Variants in CTNNA2 observed in about 807,000 individuals in gnomAD.
CTNNA2 encodes the protein catenin alpha 2.
CTNNA2 carries 42 observed loss-of-function variants against 101.0 expected under a neutral mutation model. That is an observed-to-expected ratio of 0.42 (90% confidence interval 0.32 to 0.54). The LOEUF is 0.54. CTNNA2 is among the 20% of genes least tolerant of loss of function. The pLI, the probability that CTNNA2 is intolerant of heterozygous loss-of-function variation, is 0.14. For synonymous variants in CTNNA2, 450 were observed against 456.4 expected (o/e 0.99, Z 0.18); for missense variants, 871 against 1,223.1 (o/e 0.71, Z 4.29).
intron 2 of CTNNA2, among the ~76,000 whole-genome samples, chr2:79,290,908 C>T (rs1157005119): frequency 6.6e-6 from 1 of 152,162 alleles, no homozygotes; most frequent in Non-Finnish European, 1.5e-5. Context: ...GGTCTAATTG[C>T]GCTGACTAAC....
At chr2:80,429,715 A>G (rs1235407176) in intron 9 of CTNNA2, among the ~76,000 whole-genome samples, 5 of 152,222 alleles carry the variant, frequency 3.3e-5, no homozygotes, top group African/African-American at 1.2e-4. Context: ...AGTGGAACAG[A>G]TCATGCAAAC....
rs539657346 is a variant in CTNNA2 at position 79,324,921 on chromosome 2, A to C, written c.-318+12125A>C. Among the ~76,000 whole-genome samples the C allele has an allele frequency of 4.6e-5, 7 of 152,300 alleles. No individual in the cohort carries two copies. In the South Asian group the frequency reaches 1.5e-3, roughly 32 times the overall value. ...TGCAACCTGTGACCGCAGTGCCTCC[A>C]AATAAAGAAATAGGGCCAGGTTCGG... On this transcript the variant is annotated intron_variant, in intron 3 of 21. Coordinates refer to the CTNNA2 transcript ENST00000466387.
At chr2:80,146,817 C>G (rs540144310) in intron 7 of CTNNA2, among the ~76,000 whole-genome samples, 1 of 141,666 alleles carries the variant, frequency 7.1e-6, no homozygotes, top group Non-Finnish European at 1.5e-5. Flanking sequence ...CTCTGCCTAC[C>G]AGGTTCAAGT....
intron 2 of CTNNA2, among the ~76,000 whole-genome samples, chr2:79,296,100 A>G (rs1675974113): frequency 6.6e-6 from 1 of 152,108 alleles, no homozygotes; most frequent in South Asian, 2.1e-4. Flanking sequence ...AGTTCAACAA[A>G]AATATTGGAG....
At chr2:80,475,138 A>G (rs1559139972) in intron 9 of CTNNA2, among the ~76,000 whole-genome samples, 1 of 152,188 alleles carries the variant, frequency 6.6e-6, no homozygotes, top group Non-Finnish European at 1.5e-5. Flanking sequence ...ATGTTTCTTC[A>G]AATAACTTAA....
chr2:79,532,676 T>C (rs748938110), intron 1 of CTNNA2, among the ~76,000 whole-genome samples: 3 of 152,150 alleles, frequency 2.0e-5, no homozygotes, highest in Non-Finnish European at 4.4e-5. Flanking sequence ...AATTCTGTAC[T>C]GTCCTCTCAT....
intron 7 of CTNNA2, among the ~76,000 whole-genome samples, chr2:80,045,958 A>G (rs1341526535): frequency 6.6e-6 from 1 of 152,190 alleles, no homozygotes; most frequent in Non-Finnish European, 1.5e-5. Context: ...TGCATCCCGA[A>G]AAGTGAGAGT....
At chr2:79,394,786 A>ATT (rs201055920) in intron 4 of CTNNA2, among the ~76,000 whole-genome samples, 5 of 109,496 alleles carry the variant, frequency 4.6e-5, no homozygotes, top group South Asian at 3.0e-4. Context: ...TACTTAAAAA[A>ATT]ATTTTTTTTG....
chr2:79,733,076 G>T (rs1187061652), intron 2 of CTNNA2, among the ~76,000 whole-genome samples: 1 of 152,060 alleles, frequency 6.6e-6, no homozygotes, highest in Non-Finnish European at 1.5e-5. Context: ...AAGCGGGTTC[G>T]CTGGTGGCAC....
intron 7 of CTNNA2, among the ~76,000 whole-genome samples, chr2:79,935,009 T>C (rs1231956465): frequency 2.0e-5 from 3 of 152,192 alleles, no homozygotes; most frequent in Non-Finnish European, 4.4e-5. Flanking sequence ...ACAGTTAAAG[T>C]TGGTATATTT....
intron 7 of CTNNA2, among the ~76,000 whole-genome samples, chr2:80,125,781 G>T (rs991605281): frequency 3.3e-5 from 5 of 152,054 alleles, no homozygotes; most frequent in Admixed American, 6.6e-5. Context: ...TTAATGCTTT[G>T]TGGCACCATC....
chr2:80,009,753 A>T (rs2861963), intron 7 of CTNNA2, among the ~76,000 whole-genome samples: 1 of 144,204 alleles, frequency 6.9e-6, no homozygotes. Context: ...TGTGTGTGTC[A>T]GAGAGAGAGA....
intron 7 of CTNNA2, among the ~76,000 whole-genome samples, chr2:79,941,544 A>G (rs1324093036): frequency 1.3e-5 from 2 of 152,222 alleles, no homozygotes; most frequent in African/African-American, 2.4e-5. Context: ...TTAGATTTCT[A>G]TAGGTGGGCT....
chr2:80,386,437 T>A (rs542762277), intron 7 of CTNNA2, among the ~76,000 whole-genome samples: 1 of 152,332 alleles, frequency 6.6e-6, no homozygotes, highest in Admixed American at 6.5e-5. Flanking sequence ...AATATAAAGA[T>A]ATTATGAAAT....
At chr2:80,581,676 G>A (rs998047038) in intron 13 of CTNNA2, 30 bp from the exon 14 acceptor site, 11 of 1,354,164 alleles carry the variant, frequency 8.1e-6, no homozygotes, top group Admixed American at 1.7e-5. Flanking sequence ...ATCAATTTAA[G>A]TATGCTGACT....
At chr2:80,092,189 A>G (rs1699831980) in intron 7 of CTNNA2, among the ~76,000 whole-genome samples, 1 of 152,076 alleles carries the variant, frequency 6.6e-6, no homozygotes, top group African/African-American at 2.4e-5. Context: ...TCTGGAGACA[A>G]TTAGACAGTG....
rs144473277 is a variant in CTNNA2, at chr2:79,493,087, T to A, written c.-134-11967T>A. 3.3e-3 allele frequency among the ~76,000 whole-genome samples: 507 copies of A among 152,172 alleles called. 5 individuals carry two copies. Among genetic ancestry groups the A allele is most frequent in the African/African-American group, 0.011 (454 of 41,522 alleles). Reference sequence around the variant, plus strand: ...CTTCACAAGGGGCATAGACAAAAACTCCAGGGTTAAGCCTCTAAAATGAGG... The same window carrying A: ...CTTCACAAGGGGCATAGACAAAAACACCAGGGTTAAGCCTCTAAAATGAGG... On this transcript the variant is annotated intron_variant, in intron 4 of 21. Coordinates refer to the CTNNA2 transcript ENST00000466387.
At chr2:79,237,384 A>G (rs1023415039) in intron 2 of CTNNA2, among the ~76,000 whole-genome samples, 1 of 152,204 alleles carries the variant, frequency 6.6e-6, no homozygotes, top group African/African-American at 2.4e-5. Flanking sequence ...TCATTCATTT[A>G]TAAAGCACAG....
At chr2:80,534,951 GCAA>G (rs1690873818) in intron 9 of CTNNA2, among the ~76,000 whole-genome samples, 1 of 152,138 alleles carries the variant, frequency 6.6e-6, no homozygotes, top group Non-Finnish European at 1.5e-5. Flanking sequence ...AAACAATGAG[GCAA>G]CAACATTAGG....
Sources: gnomAD v4.1 joint callset for allele counts (sites outside exome capture counted in the v4.1 genomes callset) on GRCh38, gnomAD v4.1.1 for gene constraint, MANE v1.5 for transcripts, NCBI Gene and HGNC (gene_info 2026-07-23, HGNC 2026-07-21) for gene names.